FRMD3: variants seen among roughly 807,000 people sequenced by gnomAD.
FRMD3 encodes the protein FERM domain containing 3, also known as FERM domain-containing protein 3.
A neutral mutation model predicts 70.2 loss-of-function variants in FRMD3; 33 were observed. The observed-to-expected ratio is 0.47, with a 90% CI of 0.36 to 0.63. The LOEUF is 0.63. Ranked by LOEUF, FRMD3 falls within the 20% of genes least tolerant of loss-of-function variation. FRMD3 has a pLI of 0.00. For missense variants in FRMD3, 632 were observed against 711.4 expected, an observed-to-expected ratio of 0.89 and a Z score of 1.27; for synonymous variants, 279 against 255.9, an observed-to-expected ratio of 1.09 and a Z score of -0.86.
chr9:83,414,827 T>C (rs1379907080), intron 1 of FRMD3, among the ~76,000 whole-genome samples: 2 of 152,246 alleles, frequency 1.3e-5, no homozygotes, highest in Non-Finnish European at 2.9e-5. Context: ...TTTATCTCCT[T>C]GTTGTATGTT....
intron 6 of FRMD3, among the ~76,000 whole-genome samples, chr9:83,325,811 T>C (rs1835990469): frequency 6.6e-6 from 1 of 152,164 alleles, no homozygotes; most frequent in Admixed American, 6.5e-5. Context: ...TGTACAGCCC[T>C]CAAACTAAGA....
intron 3 of FRMD3, among the ~76,000 whole-genome samples, chr9:83,355,618 T>C (rs537569067): frequency 6.6e-6 from 1 of 152,308 alleles, no homozygotes; most frequent in South Asian, 2.1e-4. Flanking sequence ...CTTCCAGATG[T>C]GTTTGGGTGG....
chr9:83,533,289 C>T (rs1184222555), intron 1 of FRMD3, among the ~76,000 whole-genome samples: 1 of 152,098 alleles, frequency 6.6e-6, no homozygotes, highest in African/African-American at 2.4e-5. Flanking sequence ...CTCAGTAACA[C>T]AATAACATCC....
chr9:83,331,091 A>G (rs560547453), intron 6 of FRMD3, among the ~76,000 whole-genome samples: 1 of 152,216 alleles, frequency 6.6e-6, no homozygotes. Flanking sequence ...TAGAGCAATC[A>G]TGGTGTTTGG....
chr9:83,366,894 G>A (rs886922171), intron 3 of FRMD3, among the ~76,000 whole-genome samples: 4 of 151,794 alleles, frequency 2.6e-5, no homozygotes, highest in Non-Finnish European at 4.4e-5. Flanking sequence ...ATAGCAGGGT[G>A]TGGTAGCATG....
chr9:83,337,449 G>A (rs1237903510), intron 5 of FRMD3, among the ~76,000 whole-genome samples: 2 of 152,186 alleles, frequency 1.3e-5, no homozygotes, highest in Admixed American at 1.3e-4. Context: ...AGAGATGGGT[G>A]TGTGAACCAC....
At chr9:83,285,960 C>T (rs1834190794) in intron 13 of FRMD3, among the ~76,000 whole-genome samples, 1 of 152,198 alleles carries the variant, frequency 6.6e-6, no homozygotes, top group Non-Finnish European at 1.5e-5. Context: ...GAAAACATTC[C>T]CGTTGCCCAG....
the FRMD3 span, among the ~76,000 whole-genome samples, chr9:83,561,550 A>G: frequency 6.6e-6 from 1 of 152,208 alleles, no homozygotes; most frequent in Admixed American, 6.5e-5. Context: ...GCAAATCCTA[A>G]ACAATTTATT....
At chr9:83,490,676 T>C (rs1250966833) in intron 1 of FRMD3, among the ~76,000 whole-genome samples, 2 of 152,052 alleles carry the variant, frequency 1.3e-5, no homozygotes, top group African/African-American at 4.8e-5. Flanking sequence ...CAGAATACTT[T>C]AGGGGGAAAA....
intron 1 of FRMD3, among the ~76,000 whole-genome samples, chr9:83,506,901 T>A (rs754295689): frequency 3.9e-5 from 6 of 152,194 alleles, no homozygotes; most frequent in Non-Finnish European, 5.9e-5. Context: ...ATTTTTAAAC[T>A]TTTTTTCTTT....
chr9:83,250,122 C>T (rs1458978100), intron 13 of FRMD3, among the ~76,000 whole-genome samples: 1 of 152,148 alleles, frequency 6.6e-6, no homozygotes, highest in African/African-American at 2.4e-5. Context: ...ACTGGGCAAA[C>T]AACTCAACCC....
At chr9:83,531,017 C>T (rs535235959) in intron 1 of FRMD3, among the ~76,000 whole-genome samples, 2 of 152,278 alleles carry the variant, frequency 1.3e-5, no homozygotes, top group Admixed American at 1.3e-4. Context: ...CCTGGGAGGT[C>T]CCATCAGAAT....
At chr9:83,483,791 T>C (rs1828624867) in intron 1 of FRMD3, among the ~76,000 whole-genome samples, 1 of 152,058 alleles carries the variant, frequency 6.6e-6, no homozygotes, top group African/African-American at 2.4e-5. Context: ...GCCCAAGAAG[T>C]TGAGACTGCA....
At chr9:83,244,402 A>ATTTT (rs1437586152), downstream of FRMD3, among the ~76,000 whole-genome samples, 1 of 151,788 alleles carries the variant, frequency 6.6e-6, no homozygotes, top group Admixed American at 6.6e-5. Context: ...ATCAAGGTTT[A>ATTTT]TTTTATGTTT....
the FRMD3 span, among the ~76,000 whole-genome samples, chr9:83,544,213 G>A: frequency 7.4e-4 from 45 of 60,624 alleles, no homozygotes; most frequent in Admixed American, 7.0e-3. Context: ...AGTGTCTGTC[G>A]AACTGAGTCA....
At chr9:83,522,048 T>C (rs1340939790) in intron 1 of FRMD3, among the ~76,000 whole-genome samples, 4 of 152,104 alleles carry the variant, frequency 2.6e-5, no homozygotes, top group African/African-American at 9.7e-5. Context: ...GAACGTCTAG[T>C]AGGAACCAAG....
chr9:83,559,663 G>A, the FRMD3 span, among the ~76,000 whole-genome samples: 33 of 152,188 alleles, frequency 2.2e-4, no homozygotes, highest in South Asian at 2.1e-4. Flanking sequence ...ATCACTATAC[G>A]TGACAAACTT....
chr9:83,387,972 A>G (rs1036687551), intron 2 of FRMD3, among the ~76,000 whole-genome samples: 1 of 152,100 alleles, frequency 6.6e-6, no homozygotes, highest in Non-Finnish European at 1.5e-5. Flanking sequence ...TTACTCAGTA[A>G]ACACCACACA....
chr9:83,374,312 T>G (rs1825075245), intron 2 of FRMD3, among the ~76,000 whole-genome samples: 1 of 152,098 alleles, frequency 6.6e-6, no homozygotes. Flanking sequence ...ACTGAGGGTG[T>G]CAAATCTCTG....
Sources: allele counts gnomAD v4.1 joint callset (sites outside exome capture counted in the v4.1 genomes callset), GRCh38; gene constraint gnomAD v4.1.1; transcripts MANE v1.5; gene names NCBI Gene and HGNC (gene_info 2026-07-23, HGNC 2026-07-21).